SYNPR: variants seen among roughly 807,000 people sequenced by gnomAD.
The protein encoded by SYNPR is synaptoporin.
A neutral mutation model predicts 32.9 loss-of-function variants in SYNPR; 23 were observed. That is an observed-to-expected ratio of 0.70 (90% CI 0.50 to 0.99). SYNPR has a LOEUF of 0.99. Ranked by LOEUF, SYNPR falls within the 50% of genes least tolerant of loss-of-function variation. SYNPR has a pLI of 0.00. For missense variants in SYNPR, 318 were observed against 349.3 expected (o/e 0.91, Z 0.71); for synonymous variants, 146 against 135.9 (o/e 1.07, Z -0.52).
chr3:63,609,070 G>A, intron 4 of SYNPR, 55 bp from the exon 5 acceptor site: 1 of 1,526,796 alleles, frequency 6.5e-7, no homozygotes, highest in Non-Finnish European at 8.8e-7. Flanking sequence ...AAATCAACTT[G>A]TTTCTAGAAC....
At chr3:63,226,033 A>C (rs2086125644), upstream of SYNPR, among the ~76,000 whole-genome samples, 1 of 152,190 alleles carries the variant, frequency 6.6e-6, no homozygotes, top group African/African-American at 2.4e-5. Flanking sequence ...AATTAAAAGA[A>C]GGCAAACACA....
intron 2 of SYNPR, among the ~76,000 whole-genome samples, chr3:63,403,441 T>TACACACACACACACACACAC (rs10559096): frequency 3.4e-5 from 5 of 145,930 alleles, no homozygotes; most frequent in African/African-American, 1.3e-4. Flanking sequence ...TGTATACACA[T>TACACACACACACACACACAC]ACACACACAC....
At chr3:63,343,472 CAG>C (rs1168941159) in intron 2 of SYNPR, among the ~76,000 whole-genome samples, 1 of 152,112 alleles carries the variant, frequency 6.6e-6, no homozygotes. Context: ...GAGAAGGAGG[CAG>C]AGTGAGGACA....
intron 2 of SYNPR, among the ~76,000 whole-genome samples, chr3:63,408,146 G>GAAAGAAAGA (rs1560220671): frequency 3.1e-5 from 1 of 32,564 alleles, no homozygotes; most frequent in Admixed American, 4.0e-4. Context: ...AGAAAGAAAA[G>GAAAGAAAGA]AAAGAAAGAA....
chr3:63,383,316 T>A (rs2087996878), intron 2 of SYNPR, among the ~76,000 whole-genome samples: 1 of 152,128 alleles, frequency 6.6e-6, no homozygotes, highest in African/African-American at 2.4e-5. Context: ...ATGCAATACC[T>A]CCCAAGAGAA....
chr3:63,462,491 C>A (rs1261719467), intron 2 of SYNPR, among the ~76,000 whole-genome samples: 1 of 151,870 alleles, frequency 6.6e-6, no homozygotes, highest in African/African-American at 2.4e-5. Flanking sequence ...ACAGACTGTC[C>A]CCAAAAGAGC....
chr3:63,290,735 A>G (rs1310005096), intron 2 of SYNPR, among the ~76,000 whole-genome samples: 1 of 152,226 alleles, frequency 6.6e-6, no homozygotes, highest in East Asian at 1.9e-4. Flanking sequence ...GGCAGCTTCC[A>G]TCATGGATGA....
chr3:63,369,131 T>G (rs2087765223), intron 2 of SYNPR, among the ~76,000 whole-genome samples: 1 of 152,144 alleles, frequency 6.6e-6, no homozygotes, highest in East Asian at 1.9e-4. Context: ...CCAATATGAC[T>G]GGTGTCCTTT....
intron 1 of SYNPR, among the ~76,000 whole-genome samples, chr3:63,250,892 T>A (rs2086325743): frequency 6.6e-6 from 1 of 152,172 alleles, no homozygotes; most frequent in African/African-American, 2.4e-5. Flanking sequence ...TTACTCATTA[T>A]AAGTATTTTT....
intron 2 of SYNPR, among the ~76,000 whole-genome samples, chr3:63,424,330 A>T (rs951871334): frequency 2.0e-5 from 3 of 152,182 alleles, no homozygotes; most frequent in African/African-American, 7.2e-5. Flanking sequence ...GTGGGGTGTC[A>T]TGTAGGAAAA....
chr3:63,588,491 A>G (rs996403695), intron 4 of SYNPR, among the ~76,000 whole-genome samples: 7 of 152,094 alleles, frequency 4.6e-5, no homozygotes, highest in Admixed American at 2.0e-4. Context: ...TAGCATTTTC[A>G]TCTAGCTGAT....
rs535597514 is a variant in SYNPR, at chr3:63,549,312, G to A, written c.210-7231G>A. ...AGTCTACCGTTAGATGAGATGGCAC[G>A]GGAAAGCTGGTTGGGTCATTTGCTT... On this transcript the variant is annotated intron_variant, in intron 3 of 5. Coordinates refer to ENST00000478300, the MANE Select transcript of SYNPR (RefSeq NM_001130003.2). 3.9e-5 allele frequency among the ~76,000 whole-genome samples: 6 copies of A among 152,244 alleles called. No individual in the cohort carries two copies. The South Asian group carries it at 1.0e-3, about 26-fold the overall frequency.
chr3:63,349,371 AT>A (rs1250203148), intron 2 of SYNPR, among the ~76,000 whole-genome samples: 1 of 152,164 alleles, frequency 6.6e-6, no homozygotes, highest in African/African-American at 2.4e-5. Context: ...AAGTCCTGGA[AT>A]TACAGGCGCG....
chr3:63,501,500 AAAAAAAAAAAAAAAG>A (rs1316999823), intron 3 of SYNPR, among the ~76,000 whole-genome samples: 43 of 136,732 alleles, frequency 3.1e-4, no homozygotes, highest in African/African-American at 1.1e-3. Flanking sequence ...CAACCAAAAA[AAAAAAAAAAAAAAAG>A]AAAAGAAAAA....
intron 2 of SYNPR, among the ~76,000 whole-genome samples, chr3:63,457,915 T>G (rs1700514030): frequency 6.6e-6 from 1 of 152,170 alleles, no homozygotes; most frequent in Non-Finnish European, 1.5e-5. Context: ...AATTTGATAC[T>G]GATTTACTCT....
At chr3:63,412,281 T>C (rs1249930700) in intron 2 of SYNPR, among the ~76,000 whole-genome samples, 1 of 152,042 alleles carries the variant, frequency 6.6e-6, no homozygotes, top group Non-Finnish European at 1.5e-5. Context: ...AGTAGACAGA[T>C]ATGAGGGTCT....
intron 2 of SYNPR, among the ~76,000 whole-genome samples, chr3:63,364,552 C>G (rs1354529390): frequency 6.6e-6 from 1 of 152,026 alleles, no homozygotes; most frequent in African/African-American, 2.4e-5. Flanking sequence ...TGAAGTTACC[C>G]AAGAGTAAAA....
chr3:63,458,388 C>T (rs1465928841), intron 2 of SYNPR, among the ~76,000 whole-genome samples: 1 of 152,080 alleles, frequency 6.6e-6, no homozygotes, highest in East Asian at 1.9e-4. Context: ...TGGGCCCACT[C>T]ATGTATCTAT....
intron 2 of SYNPR, among the ~76,000 whole-genome samples, chr3:63,443,905 C>T (rs1300778639): frequency 6.6e-6 from 1 of 152,124 alleles, no homozygotes; most frequent in Non-Finnish European, 1.5e-5. Context: ...TATACAGCTA[C>T]CAAATATTAT....
Sources: gnomAD v4.1 joint callset for allele counts (sites outside exome capture counted in the v4.1 genomes callset) on GRCh38, gnomAD v4.1.1 for gene constraint, MANE v1.5 for transcripts, NCBI Gene and HGNC (gene_info 2026-07-23, HGNC 2026-07-21) for gene names.